KCNQ5: variants seen among roughly 807,000 people sequenced by gnomAD.
KCNQ5 encodes the protein potassium voltage-gated channel subfamily Q member 5, also known as potassium voltage-gated channel subfamily KQT member 5.
In KCNQ5, 30 loss-of-function variants were observed where a neutral mutation model predicts 98.2. The ratio of observed to expected loss-of-function variants is 0.31; its 90% confidence interval spans 0.23 to 0.41. KCNQ5 has a LOEUF of 0.41. Ranked by LOEUF, KCNQ5 falls within the 10% of genes least tolerant of loss-of-function variation. The pLI is 1.00. For synonymous variants in KCNQ5, 458 were observed against 449.4 expected (o/e 1.02, Z -0.24); for missense variants, 835 against 1,182.5 (o/e 0.71, Z 4.31).
intron 1 of KCNQ5, among the ~76,000 whole-genome samples, chr6:72,655,630 A>T (rs1766151760): frequency 6.6e-6 from 1 of 152,160 alleles, no homozygotes; most frequent in African/African-American, 2.4e-5. Context: ...TGTTGACTGA[A>T]GAAAAAGGGA....
chr6:73,151,423 G>T (rs571688792), intron 10 of KCNQ5, among the ~76,000 whole-genome samples: 2 of 152,082 alleles, frequency 1.3e-5, no homozygotes, highest in Non-Finnish European at 2.9e-5. Flanking sequence ...TCTTCCTTCT[G>T]CAGACCCTCC....
intron 1 of KCNQ5, among the ~76,000 whole-genome samples, chr6:72,880,971 T>A (rs1778613917): frequency 1.3e-5 from 2 of 152,194 alleles, no homozygotes; most frequent in Non-Finnish European, 2.9e-5. Flanking sequence ...CCAAGATTGA[T>A]GGAGCAGAGA....
chr6:72,859,266 A>G (rs1246084019), intron 1 of KCNQ5, among the ~76,000 whole-genome samples: 1 of 152,164 alleles, frequency 6.6e-6, no homozygotes, highest in Non-Finnish European at 1.5e-5. Context: ...TGCCTATTCC[A>G]TAATGCCTTG....
At chr6:72,729,757 TGA>T (rs10538258) in intron 1 of KCNQ5, among the ~76,000 whole-genome samples, 16,205 of 152,220 alleles carry the variant, frequency 0.11, 906 homozygotes, top group South Asian at 0.17. Context: ...TTTTTAAGCA[TGA>T]GAGAGAACTT....
intron 3 of KCNQ5, among the ~76,000 whole-genome samples, chr6:73,063,522 T>G (rs1249836247): frequency 1.3e-5 from 2 of 152,254 alleles, no homozygotes; most frequent in East Asian, 3.9e-4. Flanking sequence ...ATTAGAAAGT[T>G]CCAAAAACTG....
intron 1 of KCNQ5, among the ~76,000 whole-genome samples, chr6:72,823,714 G>A (rs1000947461): frequency 4.6e-5 from 7 of 152,000 alleles, no homozygotes; most frequent in East Asian, 3.9e-4. Flanking sequence ...TGACACCCCC[G>A]AAGTTGCACT....
chr6:72,670,289 A>C (rs995753479), intron 1 of KCNQ5, among the ~76,000 whole-genome samples: 1 of 152,176 alleles, frequency 6.6e-6, no homozygotes. Context: ...AGAAGATGAA[A>C]GCCTTCTCTC....
In KCNQ5 at chr6:73,196,016, A is replaced by C. The variant is rs959247937; in HGVS notation, c.*602A>C. ...TTAGCGCTGTGGCAAGCAATTTTGC[A>C]CATCATTTTCATGTTGTTCTTTATG... On this transcript the variant is annotated 3_prime_UTR_variant, in exon 14 of 14. Transcript: ENST00000370398. 6.5e-6 allele frequency: 1 copy of C among 153,204 alleles called. No individual in the cohort carries two copies. The highest frequency in any genetic ancestry group is 6.5e-5 in the Admixed American group (1 of 15,422). The allele number at this position is 153,204 out of a possible 1,614,324, so 9.5% of individuals were successfully genotyped here.
intron 3 of KCNQ5, among the ~76,000 whole-genome samples, chr6:73,047,762 G>A (rs1772037038): frequency 6.6e-6 from 1 of 152,142 alleles, no homozygotes; most frequent in African/African-American, 2.4e-5. Context: ...GGATACAAAA[G>A]CGACTAAAAC....
chr6:73,066,203 C>G (rs1377332925), intron 3 of KCNQ5, among the ~76,000 whole-genome samples: 1 of 152,084 alleles, frequency 6.6e-6, no homozygotes, highest in Non-Finnish European at 1.5e-5. Context: ...CTAAATTTTA[C>G]CTGAATATCA....
At chr6:73,127,436 T>G (rs944065040) in intron 9 of KCNQ5, among the ~76,000 whole-genome samples, 2 of 152,328 alleles carry the variant, frequency 1.3e-5, no homozygotes, top group African/African-American at 4.8e-5. Context: ...TTTTTCTTTG[T>G]GTTACAAACT....
intron 5 of KCNQ5, among the ~76,000 whole-genome samples, chr6:73,087,692 A>G (rs1242706839): frequency 6.6e-6 from 1 of 152,338 alleles, no homozygotes; most frequent in East Asian, 1.9e-4. Context: ...TTAAAAATCC[A>G]GTGTCCAAAG....
intron 10 of KCNQ5, among the ~76,000 whole-genome samples, chr6:73,160,169 A>G (rs1582465702): frequency 6.8e-6 from 1 of 146,830 alleles, no homozygotes; most frequent in African/African-American, 2.5e-5. Flanking sequence ...ACCCACCACG[A>G]CGCCCGGCTG....
intron 1 of KCNQ5, among the ~76,000 whole-genome samples, chr6:72,781,299 G>A (rs1041852214): frequency 2.0e-5 from 3 of 152,174 alleles, no homozygotes; most frequent in Non-Finnish European, 4.4e-5. Flanking sequence ...TTTGTCCCTA[G>A]AGTCTTCATA....
At chr6:72,884,099 C>T (rs1283686714) in intron 1 of KCNQ5, among the ~76,000 whole-genome samples, 1 of 152,152 alleles carries the variant, frequency 6.6e-6, no homozygotes, top group Non-Finnish European at 1.5e-5. Flanking sequence ...AAAGATATAA[C>T]TCAATTTAAA....
intron 1 of KCNQ5, among the ~76,000 whole-genome samples, chr6:72,906,869 C>A (rs1255059055): frequency 6.6e-6 from 1 of 152,208 alleles, no homozygotes; most frequent in African/African-American, 2.4e-5. Flanking sequence ...AGCCTCCACA[C>A]ACTGCTTCAT....
At chr6:73,155,412 C>G (rs1031681216) in intron 10 of KCNQ5, among the ~76,000 whole-genome samples, 1 of 152,148 alleles carries the variant, frequency 6.6e-6, no homozygotes, top group Admixed American at 6.5e-5. Flanking sequence ...ATAAGAAAAG[C>G]AACGAGGATG....
chr6:72,630,265 T>C (rs1039275620), intron 1 of KCNQ5, among the ~76,000 whole-genome samples: 2 of 152,208 alleles, frequency 1.3e-5, no homozygotes, highest in Non-Finnish European at 2.9e-5. Context: ...AATTAAATTT[T>C]TACATGATGA....
intron 1 of KCNQ5, among the ~76,000 whole-genome samples, chr6:72,661,125 A>G (rs1017966505): frequency 1.3e-5 from 2 of 151,904 alleles, no homozygotes; most frequent in Admixed American, 6.6e-5. Flanking sequence ...AACTCATTTT[A>G]TATATATATA....
Sources: allele counts gnomAD v4.1 joint callset (sites outside exome capture counted in the v4.1 genomes callset), GRCh38; gene constraint gnomAD v4.1.1; transcripts MANE v1.5; gene names NCBI Gene and HGNC (gene_info 2026-07-23, HGNC 2026-07-21).